The following ZC3H7B variants were observed in gnomAD, a reference collection of about 807,000 sequenced individuals.
ZC3H7B encodes the protein zinc finger CCCH domain-containing protein 7B.
ZC3H7B carries 35 observed loss-of-function variants against 116.0 expected under a neutral mutation model. The ratio of observed to expected loss-of-function variants is 0.30; its 90% confidence interval spans 0.23 to 0.40. The LOEUF (loss-of-function observed/expected upper bound fraction) is 0.40, where lower values mean the gene tolerates loss of function less well. Among genes scored for constraint, ZC3H7B ranks in the 10% least tolerant of loss-of-function variants. The probability of loss-of-function intolerance (pLI) is 1.00; values close to 1 mark genes in which losing one functional copy is unlikely to be tolerated. For synonymous variants in ZC3H7B, 502 were observed against 545.6 expected, an observed-to-expected ratio of 0.92 and a Z score of 1.11; for missense variants, 1,011 against 1,321.5, an observed-to-expected ratio of 0.77 and a Z score of 3.64.
rs923867398 is a variant in ZC3H7B, at chr22:41,355,690, C to G, written c.2169-67C>G. The G allele has an allele frequency of 3.7e-5, 60 of 1,611,500 alleles. 1 individual carries two copies. The Middle Eastern group carries it at 6.6e-4, about 18-fold the overall frequency. On this transcript the variant is annotated intron_variant, in intron 18 of 22. Transcript: ENST00000352645. Reference sequence around the variant, plus strand: ...AGGCCAACTGAGAGAGGCCAGGGCTCTCCACAGAGGTCACACAGCACACAG... The same window carrying G: ...AGGCCAACTGAGAGAGGCCAGGGCTGTCCACAGAGGTCACACAGCACACAG...
At chr22:41,345,162 C>G (rs1383544000) in intron 13 of ZC3H7B, among the ~76,000 whole-genome samples, 1 of 152,190 alleles carries the variant, frequency 6.6e-6, no homozygotes, top group African/African-American at 2.4e-5. Flanking sequence ...ACAACCCAGT[C>G]TCCTCCATTC....
Position 41,302,950 on chromosome 22 carries a change from C to T in ZC3H7B, c.-7+1178C>T, listed in dbSNP as rs748507338. Reference sequence around the variant, plus strand: ...TGAACCCCAACTTCTTGCCATATTCCTCAGCATCTGCAGTTCAGCCTGATG... The same window carrying T: ...TGAACCCCAACTTCTTGCCATATTCTTCAGCATCTGCAGTTCAGCCTGATG... On this transcript the variant is annotated intron_variant, in intron 1 of 22. Coordinates refer to ENST00000352645, the MANE Select transcript of ZC3H7B (RefSeq NM_017590.6). The surrounding 1 kb of genome is among the most constrained non-coding windows in gnomAD (Gnocchi z 5.7). Among the ~76,000 whole-genome samples, 3 of 152,322 alleles carry T rather than the reference C, an allele frequency of 2.0e-5. No individual in the cohort carries two copies. Among genetic ancestry groups the T allele is most frequent in the South Asian group, 4.1e-4 (2 of 4,822 alleles).
At chr22:41,344,448 C>T (rs558177483) in intron 13 of ZC3H7B, among the ~76,000 whole-genome samples, 1 of 152,334 alleles carries the variant, frequency 6.6e-6, no homozygotes, top group South Asian at 2.1e-4. Flanking sequence ...CACCCCTCTG[C>T]CCTAACCATT....
At chr22:41,321,213 ATTTTTTTT>A (rs71847593) in intron 2 of ZC3H7B, among the ~76,000 whole-genome samples, 1 of 129,850 alleles carries the variant, frequency 7.7e-6, no homozygotes. Flanking sequence ...TACCCAGCTA[ATTTTTTTT>A]TTTTTTTTTT....
chr22:41,356,637 G>C lies in ZC3H7B; in HGVS notation c.2518-8G>C, dbSNP rs560586466. The C allele has an allele frequency of 1.9e-4, 301 of 1,613,266 alleles. 1 individual carries two copies. In the South Asian group the frequency reaches 3.0e-3, roughly 16 times the overall value. On this transcript the variant is annotated splice_region_variant and splice_polypyrimidine_tract_variant and intron_variant, in intron 21 of 22. Coordinates refer to ENST00000352645, the MANE Select transcript of ZC3H7B (RefSeq NM_017590.6). ...GGGAGCAGGCACCCATGATGGCTGTGCTCCCAGATGGGCTACCACTGCTGG... is the reference window on the plus strand; with the variant it reads ...GGGAGCAGGCACCCATGATGGCTGTCCTCCCAGATGGGCTACCACTGCTGG...
intron 1 of ZC3H7B, among the ~76,000 whole-genome samples, chr22:41,319,237 TA>T (rs1269518968): frequency 6.6e-6 from 1 of 151,742 alleles, no homozygotes; most frequent in Non-Finnish European, 1.5e-5. Flanking sequence ...CCCTCTCTAC[TA>T]AAAATACAAA....
At position 41,356,332 on chromosome 22, in the gene ZC3H7B, C is replaced by A. The variant is rs1314211112; in HGVS notation, c.2384-11C>A. The A allele has an allele frequency of 6.2e-7, 1 of 1,613,860 alleles. No homozygotes were observed. Among genetic ancestry groups the A allele is most frequent in the African/African-American group, 1.3e-5 (1 of 74,934 alleles). ...CCCTCAGCAGGTGCCCTGTCCCTGT[C>A]CCCTGCCCAGTCCTGGACATGCAGC... On this transcript the variant is annotated splice_polypyrimidine_tract_variant and intron_variant, in intron 20 of 22. Coordinates refer to ENST00000352645, the MANE Select transcript of ZC3H7B (RefSeq NM_017590.6).
rs1198841623 is a variant in ZC3H7B, at chr22:41,349,566, C to T, written c.1948+265C>T. 3.3e-5 allele frequency among the ~76,000 whole-genome samples: 5 copies of T among 152,108 alleles called. No individual in the cohort carries two copies. Among genetic ancestry groups the T allele is most frequent in the South Asian group, 2.1e-4 (1 of 4,828 alleles). On this transcript the variant is annotated intron_variant, in intron 16 of 22. Coordinates refer to ENST00000352645, the MANE Select transcript of ZC3H7B (RefSeq NM_017590.6). This position sits in a 1 kb window ranked among gnomAD's most constrained non-coding sequence, Gnocchi z 4.9. Reference sequence around the variant, plus strand: ...CTTCGTAGGCACCGTCCAGGGAGCACGGAGAGGGGAGAGGAGCACCTGGGC... The same window carrying T: ...CTTCGTAGGCACCGTCCAGGGAGCATGGAGAGGGGAGAGGAGCACCTGGGC...
chr22:41,309,673 G>C (rs1258349575), intron 1 of ZC3H7B, among the ~76,000 whole-genome samples: 2 of 152,092 alleles, frequency 1.3e-5, no homozygotes, highest in Non-Finnish European at 2.9e-5. Context: ...TTGTGACTCT[G>C]ATCTCTATTT....
intron 7 of ZC3H7B, among the ~76,000 whole-genome samples, chr22:41,337,698 A>G (rs967948756): frequency 1.3e-5 from 2 of 151,994 alleles, no homozygotes; most frequent in African/African-American, 4.8e-5. Context: ...CGGGGTGAGG[A>G]CCCTGCCCTG....
chr22:41,325,527 G>A (rs759989381), intron 2 of ZC3H7B, 37 bp from the exon 3 acceptor site: 5 of 1,597,678 alleles, frequency 3.1e-6, no homozygotes, highest in East Asian at 2.2e-5. Flanking sequence ...TGGGACCGCC[G>A]GGCTCACCCA....
At chr22:41,307,258 A>T (rs2036056091) in intron 1 of ZC3H7B, among the ~76,000 whole-genome samples, 1 of 152,118 alleles carries the variant, frequency 6.6e-6, no homozygotes, top group African/African-American at 2.4e-5. Flanking sequence ...TATAGGCATG[A>T]GCCCGTGCTG....
At chr22:41,330,315 A>T (rs2036365724) in intron 6 of ZC3H7B, among the ~76,000 whole-genome samples, 1 of 152,008 alleles carries the variant, frequency 6.6e-6, no homozygotes, top group African/African-American at 2.4e-5. Context: ...CTCACTTTAG[A>T]CTCCAACTGT....
intron 1 of ZC3H7B, among the ~76,000 whole-genome samples, chr22:41,316,326 C>T (rs1400241483): frequency 1.5e-5 from 2 of 137,038 alleles, no homozygotes; most frequent in African/African-American, 2.8e-5. Context: ...AACAGGGTCT[C>T]GCTCTGTTGC....
chr22:41,330,847 C>T (rs1398211301), intron 6 of ZC3H7B, among the ~76,000 whole-genome samples: 2 of 148,110 alleles, frequency 1.4e-5, no homozygotes, highest in Non-Finnish European at 3.0e-5. Context: ...GAGGCTGAGG[C>T]AGGAGAATCA....
intron 1 of ZC3H7B, among the ~76,000 whole-genome samples, chr22:41,307,309 G>A (rs1221762399): frequency 6.6e-6 from 1 of 152,092 alleles, no homozygotes; most frequent in African/African-American, 2.4e-5. Flanking sequence ...CATGGCCCCT[G>A]GAAAACAAGC....
rs6002334 is a variant in ZC3H7B, at chr22:41,327,779, C to T, written c.444+415C>T. ...CTCTACAAAAAATACAAAATTTAGC[C>T]GGGCATGATGGCGTGTGCCTGTTTT... On this transcript the variant is annotated intron_variant, in intron 5 of 22. Transcript: ENST00000352645. The surrounding 1 kb of genome is among the most constrained non-coding windows in gnomAD (Gnocchi z 4.5). Among the ~76,000 whole-genome samples, 19 of 152,096 alleles carry T rather than the reference C, an allele frequency of 1.2e-4. No individual in the cohort carries two copies. Among genetic ancestry groups the T allele is most frequent in the African/African-American group, 3.9e-4 (16 of 41,482 alleles).
intron 11 of ZC3H7B, among the ~76,000 whole-genome samples, chr22:41,341,746 A>G (rs900475358): frequency 6.6e-6 from 1 of 151,390 alleles, no homozygotes; most frequent in Non-Finnish European, 1.5e-5. Flanking sequence ...CCGTCTCAAA[A>G]AAAAGAAAAT....
chr22:41,325,063 C>T lies in ZC3H7B; in HGVS notation c.54-501C>T, dbSNP rs2036300514. 2.6e-5 allele frequency among the ~76,000 whole-genome samples: 4 copies of T among 152,190 alleles called. 1 individual carries two copies. In the South Asian group the frequency reaches 8.3e-4, roughly 31 times the overall value. On this transcript the variant is annotated intron_variant, in intron 2 of 22. Transcript: ENST00000352645. ...CCTCCTAGGCCCAAGTGTGGCTCCT[C>T]CCTCCTTCCCCTCATGTAACTGAGA...
Sources: allele counts gnomAD v4.1 joint callset (sites outside exome capture counted in the v4.1 genomes callset), GRCh38; gene constraint gnomAD v4.1.1; non-coding constraint Gnocchi (gnomAD v3.1); transcripts MANE v1.5; gene names NCBI Gene and HGNC (gene_info 2026-07-23, HGNC 2026-07-21).